SAE1: variants seen among roughly 807,000 people sequenced by gnomAD.
SAE1 encodes the protein SUMO-activating enzyme subunit 1.
A neutral mutation model predicts 40.6 loss-of-function variants in SAE1; 11 were observed. That is an observed-to-expected ratio of 0.27 (90% CI 0.17 to 0.45). SAE1 has a LOEUF of 0.45. Ranked by LOEUF, SAE1 falls within the 20% of genes least tolerant of loss-of-function variation. SAE1 has a pLI of 1.00. For synonymous variants in SAE1, 155 were observed against 154.3 expected (o/e 1.00, Z -0.03); for missense variants, 373 against 427.3 (o/e 0.87, Z 1.12).
At chr19:47,135,365 C>T (rs374974349) in intron 1 of SAE1, among the ~76,000 whole-genome samples, 3 of 152,146 alleles carry the variant, frequency 2.0e-5, no homozygotes, top group East Asian at 3.8e-4. Flanking sequence ...CCTCAGTCTA[C>T]TATCTGCATG....
At chr19:47,165,244 C>T (rs538701400) in intron 5 of SAE1, among the ~76,000 whole-genome samples, 21 of 150,246 alleles carry the variant, frequency 1.4e-4, no homozygotes, top group Non-Finnish European at 2.5e-4. Context: ...CACATGCCAC[C>T]ATGTCCGGCT....
At chr19:47,147,267 C>T (rs957189108) in intron 2 of SAE1, among the ~76,000 whole-genome samples, 4 of 122,818 alleles carry the variant, frequency 3.3e-5, no homozygotes, top group African/African-American at 1.3e-4. Flanking sequence ...ATGCAGTGGG[C>T]ATGATCATGG....
chr19:47,137,730 G>GTTT (rs1159240222), intron 1 of SAE1, among the ~76,000 whole-genome samples: 1 of 107,044 alleles, frequency 9.3e-6, no homozygotes, highest in Non-Finnish European at 1.9e-5. Flanking sequence ...TGTGTGTGTT[G>GTTT]TTTTTTTTTT....
Position 47,130,904 on chromosome 19 carries a change from G to A in SAE1, c.-27G>A. On this transcript the variant is annotated 5_prime_UTR_variant, in exon 1 of 9. Transcript: ENST00000270225. ...GCGGGCGGTTGGCTTGAGCGGGACC[G>A]GAGCTGAGGCAGGAAGAGCCGGCGC... 1.3e-6 allele frequency: 2 copies of A among 1,548,542 alleles called. No homozygotes were observed. The highest frequency in any genetic ancestry group is 1.7e-6 in the Non-Finnish European group (2 of 1,146,354).
chr19:47,154,536 C>T (rs545212604), intron 4 of SAE1, among the ~76,000 whole-genome samples: 2 of 126,030 alleles, frequency 1.6e-5, no homozygotes, highest in Admixed American at 2.0e-4. Context: ...ACTCAGTTGC[C>T]CAGGCTGGAG....
In SAE1 at chr19:47,169,802, T is replaced by A; in HGVS notation, c.628-16T>A. The stretch of plus-strand genomic sequence containing the variant: ...AGCATATGTTATTCCTAAGCAGTTC[T>A]GCCTTTTTTCCACAGAAGGTGGTCT... On this transcript the variant is annotated splice_polypyrimidine_tract_variant and intron_variant, in intron 5 of 8. Coordinates refer to ENST00000270225, the MANE Select transcript of SAE1 (RefSeq NM_005500.3). The A allele has an allele frequency of 6.4e-7, 1 of 1,569,318 alleles. No individual in the cohort carries two copies. Among genetic ancestry groups the A allele is most frequent in the Non-Finnish European group, 8.8e-7 (1 of 1,139,510 alleles).
chr19:47,133,299 T>C (rs2058158865), intron 1 of SAE1, among the ~76,000 whole-genome samples: 5 of 152,122 alleles, frequency 3.3e-5, no homozygotes, highest in Admixed American at 3.3e-4. Context: ...CTCACTGCCA[T>C]TGCAGTGAAT....
chr19:47,142,879 A>G (rs2058230534), intron 1 of SAE1, among the ~76,000 whole-genome samples: 1 of 152,120 alleles, frequency 6.6e-6, no homozygotes, highest in Non-Finnish European at 1.5e-5. Flanking sequence ...CTTGATTTTC[A>G]TCACTTTTTC....
intron 6 of SAE1, among the ~76,000 whole-genome samples, chr19:47,190,974 C>T (rs761068454): frequency 3.9e-5 from 6 of 152,204 alleles, no homozygotes; most frequent in African/African-American, 9.6e-5. Flanking sequence ...CTGTATGGAC[C>T]TGCTGTTTCT....
intron 5 of SAE1, among the ~76,000 whole-genome samples, chr19:47,160,212 G>A (rs920503895): frequency 8.1e-6 from 1 of 123,788 alleles, no homozygotes; most frequent in Non-Finnish European, 1.6e-5. Context: ...TCAAAATCCT[G>A]CATTTTTTTT....
intron 6 of SAE1, among the ~76,000 whole-genome samples, chr19:47,185,597 G>A (rs561867264): frequency 2.9e-4 from 44 of 150,882 alleles, no homozygotes; most frequent in African/African-American, 1.0e-3. Context: ...GAGCTACTGC[G>A]CCCAGCCTAT....
chr19:47,203,099 G>A (rs931199528), intron 7 of SAE1, among the ~76,000 whole-genome samples: 4 of 152,126 alleles, frequency 2.6e-5, no homozygotes, highest in African/African-American at 9.7e-5. Flanking sequence ...TTACTAGGAT[G>A]GGTAACTTGG....
At position 47,153,872 on chromosome 19, in the gene SAE1, A is replaced by G. The variant is rs1343117943; in HGVS notation, c.527+832A>G. On this transcript the variant is annotated intron_variant, in intron 4 of 8. Coordinates refer to ENST00000270225, the MANE Select transcript of SAE1 (RefSeq NM_005500.3). ...AATGGCACCATCTCAGTTCAGAACA[A>G]TCTCTGCCTCCTGGGTTCAAGCCAT... Among the ~76,000 whole-genome samples, 9 of 151,690 alleles carry G rather than the reference A, an allele frequency of 5.9e-5. 1 individual carries two copies. In the South Asian group the frequency reaches 1.7e-3, roughly 28 times the overall value.
chr19:47,191,458 A>C (rs902155500), intron 6 of SAE1, among the ~76,000 whole-genome samples: 4 of 152,236 alleles, frequency 2.6e-5, no homozygotes, highest in African/African-American at 9.6e-5. Context: ...CTGAGAGAAC[A>C]GGGCAACAAG....
chr19:47,170,707 C>T (rs996042010), intron 6 of SAE1, among the ~76,000 whole-genome samples: 1 of 151,934 alleles, frequency 6.6e-6, no homozygotes, highest in Non-Finnish European at 1.5e-5. Flanking sequence ...GAAGTTTCTC[C>T]ATGTAGCCAG....
At chr19:47,196,703 T>A (rs1202566363) in intron 6 of SAE1, among the ~76,000 whole-genome samples, 1 of 151,888 alleles carries the variant, frequency 6.6e-6, no homozygotes, top group Admixed American at 6.6e-5. Context: ...ACTGAAAGCT[T>A]CCACTGCTTT....
intron 6 of SAE1, among the ~76,000 whole-genome samples, chr19:47,192,454 G>A (rs1034926107): frequency 5.3e-5 from 8 of 152,028 alleles, no homozygotes; most frequent in African/African-American, 1.9e-4. Flanking sequence ...TTATCATCTT[G>A]GCCAGGCTGG....
chr19:47,194,747 C>CTTTTTT (rs1232339267), intron 6 of SAE1, among the ~76,000 whole-genome samples: 12 of 124,884 alleles, frequency 9.6e-5, no homozygotes, highest in African/African-American at 3.6e-4. Flanking sequence ...GTTAATCAGT[C>CTTTTTT]TTTTTTTTTT....
chr19:47,135,533 GTC>G (rs1183021945), intron 1 of SAE1: 2 of 151,940 alleles, frequency 1.3e-5, no homozygotes, highest in African/African-American at 2.4e-5. Context: ...TGTAGACAGG[GTC>G]TCTCTGTCGC....
Sources: gnomAD v4.1 joint callset for allele counts (sites outside exome capture counted in the v4.1 genomes callset) on GRCh38, gnomAD v4.1.1 for gene constraint, MANE v1.5 for transcripts, NCBI Gene and HGNC (gene_info 2026-07-23, HGNC 2026-07-21) for gene names.